AFF3: variants seen among roughly 807,000 people sequenced by gnomAD.
The protein encoded by AFF3 is ALF transcription elongation factor 3.
A neutral mutation model predicts 129.7 loss-of-function variants in AFF3; 32 were observed. The observed-to-expected ratio is 0.25, with a 90% CI of 0.19 to 0.33. The LOEUF (loss-of-function observed/expected upper bound fraction) is 0.33. Ranked by LOEUF, AFF3 falls within the 10% of genes least tolerant of loss-of-function variation. AFF3 has a pLI of 1.00. For missense variants in AFF3, 1,373 were observed against 1,592.0 expected, an observed-to-expected ratio of 0.86 and a Z score of 2.34; for synonymous variants, 644 against 635.4, an observed-to-expected ratio of 1.01 and a Z score of -0.20.
In AFF3 at chr2:100,025,304, CA is replaced by C. The variant is rs558217214; in HGVS notation, c.54-16373del. On this transcript the variant is annotated intron_variant, in intron 4 of 24. Transcript: ENST00000672756. The stretch of plus-strand genomic sequence containing the variant: ...AACTCAACCTCTTTTACAATAGCTG[CA>C]AAAAAAAAGTAAAATACTTAGGAAT... 2.2e-3 allele frequency among the ~76,000 whole-genome samples: 325 copies of C among 149,584 alleles called. 1 individual carries two copies. The highest frequency in any genetic ancestry group is 0.011 in the South Asian group (51 of 4,718).
intron 4 of AFF3, among the ~76,000 whole-genome samples, chr2:100,049,580 A>C (rs1460764834): frequency 6.6e-6 from 1 of 152,218 alleles, no homozygotes; most frequent in Admixed American, 6.5e-5. Context: ...AAGTGTCCTG[A>C]GTTACACTAG....
At chr2:99,846,281 C>A (rs1180658078) in intron 7 of AFF3, among the ~76,000 whole-genome samples, 1 of 152,146 alleles carries the variant, frequency 6.6e-6, no homozygotes, top group Non-Finnish European at 1.5e-5. Context: ...AGGCACCCAC[C>A]ACCATGCCTG....
intron 11 of AFF3, among the ~76,000 whole-genome samples, chr2:99,690,743 A>AT (rs1219294257): frequency 6.6e-6 from 1 of 151,918 alleles, no homozygotes; most frequent in Non-Finnish European, 1.5e-5. Context: ...TCACAAATAT[A>AT]TTTTGGTTAA....
chr2:99,567,134 AT>A (rs35594854), intron 19 of AFF3, among the ~76,000 whole-genome samples: 34,488 of 129,866 alleles, frequency 0.27, 5,801 homozygotes, highest in African/African-American at 0.52. Flanking sequence ...CACCTGGCTC[AT>A]TTTTTTTTTT....
At chr2:99,912,889 G>A (rs1695199899) in intron 7 of AFF3, among the ~76,000 whole-genome samples, 1 of 152,198 alleles carries the variant, frequency 6.6e-6, no homozygotes, top group Non-Finnish European at 1.5e-5. Context: ...AGATTTCAGA[G>A]ATGCATGTGA....
chr2:99,801,518 G>A (rs539351101), intron 8 of AFF3, among the ~76,000 whole-genome samples: 82 of 152,216 alleles, frequency 5.4e-4, no homozygotes, highest in African/African-American at 9.9e-4. Context: ...AAGGTAACCC[G>A]CAGACCAAGC....
At chr2:99,690,500 G>A (rs1003275770) in intron 11 of AFF3, among the ~76,000 whole-genome samples, 1 of 152,054 alleles carries the variant, frequency 6.6e-6, no homozygotes, top group Non-Finnish European at 1.5e-5. Flanking sequence ...AATCTTTAAA[G>A]TTCATTGTCT....
chr2:100,128,420 G>C (rs1430881944), intron 2 of AFF3, among the ~76,000 whole-genome samples: 1 of 152,062 alleles, frequency 6.6e-6, no homozygotes, highest in Admixed American at 6.6e-5. Context: ...CAGCCTCATG[G>C]GGAAACCTCT....
intron 16 of AFF3, among the ~76,000 whole-genome samples, chr2:99,585,723 CT>C: frequency 6.6e-6 from 1 of 152,212 alleles, no homozygotes; most frequent in South Asian, 2.1e-4. Context: ...CAGCTATTTT[CT>C]TTTTTTCTTT....
chr2:99,978,931 G>T (rs541840937), intron 7 of AFF3, among the ~76,000 whole-genome samples: 1 of 150,652 alleles, frequency 6.6e-6, no homozygotes, highest in East Asian at 1.9e-4. Context: ...TCAGTGTATG[G>T]TATTTTTGTT....
intron 8 of AFF3, among the ~76,000 whole-genome samples, chr2:99,824,192 C>A (rs1436807177): frequency 1.3e-5 from 2 of 151,868 alleles, no homozygotes; most frequent in African/African-American, 4.8e-5. Flanking sequence ...CTCGGCTCGC[C>A]GCAACCTCCA....
At chr2:100,006,004 A>G (rs1365716537) in intron 7 of AFF3, 1 of 152,234 alleles carries the variant, frequency 6.6e-6, no homozygotes, top group African/African-American at 2.4e-5. Flanking sequence ...ATGCATGGTC[A>G]TATTTTTTTC....
chr2:99,890,565 G>T (rs1693471228), intron 7 of AFF3, among the ~76,000 whole-genome samples: 1 of 152,166 alleles, frequency 6.6e-6, no homozygotes, highest in South Asian at 2.1e-4. Context: ...GTGGGCAGGA[G>T]CCCCGGAGCA....
At position 99,722,060 on chromosome 2, in the gene AFF3, A is replaced by T. The variant is rs185271008; in HGVS notation, c.1091+5017T>A. Among the ~76,000 whole-genome samples, 15 of 152,206 alleles carry T rather than the reference A, an allele frequency of 9.9e-5. No homozygotes were observed. The East Asian group carries it at 2.9e-3, about 29-fold the overall frequency. The stretch of plus-strand genomic sequence containing the variant: ...CATTTCTATGCTTCATTTATTTCAA[A>T]TGTTACATTTTTCAGTTCCAGAGTT... On this transcript the variant is annotated intron_variant, in intron 11 of 24. Coordinates refer to ENST00000672756, the MANE Select transcript of AFF3 (RefSeq NM_001386135.1).
chr2:99,786,675 T>C (rs986265979), intron 8 of AFF3, among the ~76,000 whole-genome samples: 1 of 152,064 alleles, frequency 6.6e-6, no homozygotes, highest in Non-Finnish European at 1.5e-5. Flanking sequence ...GCTATAAAGT[T>C]GCATAGTAAA....
chr2:99,585,449 C>G (rs1678004818), intron 16 of AFF3, among the ~76,000 whole-genome samples: 1 of 152,196 alleles, frequency 6.6e-6, no homozygotes, highest in Non-Finnish European at 1.5e-5. Context: ...AGAATGTACT[C>G]TAAGCATTTT....
intron 8 of AFF3, among the ~76,000 whole-genome samples, chr2:99,788,714 G>A (rs1215124856): frequency 6.6e-6 from 1 of 152,158 alleles, no homozygotes; most frequent in Non-Finnish European, 1.5e-5. Flanking sequence ...GTACAGTAGT[G>A]TACGATAATG....
intron 4 of AFF3, among the ~76,000 whole-genome samples, chr2:100,016,397 T>A (rs1046044580): frequency 1.3e-5 from 2 of 150,216 alleles, no homozygotes; most frequent in South Asian, 4.3e-4. Flanking sequence ...ATAATGGTGA[T>A]GGCAGCGATG....
intron 8 of AFF3, among the ~76,000 whole-genome samples, chr2:99,785,604 A>G (rs1215985380): frequency 2.0e-5 from 3 of 152,250 alleles, no homozygotes; most frequent in Non-Finnish European, 4.4e-5. Context: ...TAAAAGTTCT[A>G]AAAACTGTTG....
Sources: allele counts gnomAD v4.1 joint callset (sites outside exome capture counted in the v4.1 genomes callset), GRCh38; gene constraint gnomAD v4.1.1; transcripts MANE v1.5; gene names NCBI Gene and HGNC (gene_info 2026-07-23, HGNC 2026-07-21).